FGD6: variants seen among roughly 807,000 people sequenced by gnomAD.
The protein encoded by FGD6 is FYVE, RhoGEF and PH domain-containing protein 6.
Under a neutral mutation model 149.4 loss-of-function variants are expected in FGD6, and 90 were observed. The observed-to-expected ratio is 0.60, with a 90% CI of 0.51 to 0.72. The LOEUF (loss-of-function observed/expected upper bound fraction) is 0.72. Ranked by LOEUF, FGD6 falls within the 30% of genes least tolerant of loss-of-function variation. The pLI is 0.00. For missense variants in FGD6, 1,437 were observed against 1,684.8 expected (o/e 0.85, Z 2.57); for synonymous variants, 527 against 584.0 (o/e 0.90, Z 1.41).
At chr12:95,123,740 T>C (rs1214974390) in intron 8 of FGD6, among the ~76,000 whole-genome samples, 2 of 151,846 alleles carry the variant, frequency 1.3e-5, no homozygotes, top group Admixed American at 6.6e-5. Context: ...TTTTTTGTAT[T>C]TTTAGTAGAG....
intron 6 of FGD6, among the ~76,000 whole-genome samples, chr12:95,139,427 G>GA (rs1406501046): frequency 2.1e-5 from 3 of 144,730 alleles, no homozygotes; most frequent in South Asian, 4.4e-4. Context: ...GGCAAGAGGT[G>GA]AAAATCTGTC....
At chr12:95,081,680 TA>T (rs71435740) in intron 20 of FGD6, 124 bp from the exon 21 acceptor site, 1 of 351,422 alleles carries the variant, frequency 2.8e-6, no homozygotes, top group Non-Finnish European at 4.8e-6. Context: ...TATATATATA[TA>T]TGTATTTTTT....
intron 8 of FGD6, chr12:95,125,669 C>T (rs1201555222): frequency 2.4e-6 from 1 of 418,234 alleles, no homozygotes; most frequent in Admixed American, 3.7e-5. Context: ...TTTGTGGATA[C>T]CTGGATACAA....
intron 19 of FGD6, 136 bp downstream of exon 19, chr12:95,085,644 C>T: frequency 1.1e-6 from 1 of 910,482 alleles, no homozygotes; most frequent in African/African-American, 1.7e-5. Context: ...TTAAAAATAA[C>T]AGCAACAACA....
At chr12:95,083,012 A>AATATATATATAT (rs1555215600) in intron 20 of FGD6, among the ~76,000 whole-genome samples, 15 of 20,038 alleles carry the variant, frequency 7.5e-4, no homozygotes, top group African/African-American at 3.5e-3. Flanking sequence ...AAAAAAAAAA[A>AATATATATATAT]ATATATATAT....
chr12:95,192,303 T>C (rs976212809), intron 2 of FGD6, among the ~76,000 whole-genome samples: 1 of 152,154 alleles, frequency 6.6e-6, no homozygotes, highest in East Asian at 1.9e-4. Flanking sequence ...AATGTTATGA[T>C]AGAATGATGA....
intron 3 of FGD6, among the ~76,000 whole-genome samples, chr12:95,156,573 G>T (rs1445337811): frequency 1.3e-5 from 2 of 152,134 alleles, no homozygotes; most frequent in African/African-American, 4.8e-5. Context: ...GCCCCGTCCT[G>T]TGGTCCTGTG....
intron 3 of FGD6, among the ~76,000 whole-genome samples, chr12:95,161,015 AC>A (rs1880624623): frequency 6.6e-6 from 1 of 151,826 alleles, no homozygotes; most frequent in Non-Finnish European, 1.5e-5. Context: ...CCCCGTCTCC[AC>A]CAAAAATACA....
At chr12:95,154,073 C>CCT (rs1880395332) in intron 3 of FGD6, among the ~76,000 whole-genome samples, 1 of 152,040 alleles carries the variant, frequency 6.6e-6, no homozygotes, top group Admixed American at 6.6e-5. Context: ...GATTCTCCTG[C>CCT]CTCAGCCTCC....
intron 8 of FGD6, among the ~76,000 whole-genome samples, chr12:95,124,189 G>A (rs1253665180): frequency 1.3e-5 from 2 of 152,090 alleles, no homozygotes; most frequent in Non-Finnish European, 2.9e-5. Context: ...TGGGATTACA[G>A]GCGTGAGCCA....
chr12:95,105,853 G>A (rs1370066433), intron 13 of FGD6, among the ~76,000 whole-genome samples: 4 of 151,936 alleles, frequency 2.6e-5, no homozygotes, highest in African/African-American at 7.3e-5. Flanking sequence ...GTGAAACCCC[G>A]TCTCTGTGAA....
At chr12:95,174,054 G>A (rs7488543) in intron 2 of FGD6, among the ~76,000 whole-genome samples, 13,705 of 152,118 alleles carry the variant, frequency 0.09, 806 homozygotes, top group African/African-American at 0.16. Flanking sequence ...TTACTCAATG[G>A]CTGGGGCCTC....
chr12:95,144,684 G>A (rs372991890), intron 5 of FGD6, among the ~76,000 whole-genome samples: 1 of 147,918 alleles, frequency 6.8e-6, no homozygotes, highest in Non-Finnish European at 1.5e-5. Context: ...GAGCCACGGC[G>A]CCCAGCTTAC....
At chr12:95,115,965 T>C (rs552965890) in intron 8 of FGD6, among the ~76,000 whole-genome samples, 7 of 152,378 alleles carry the variant, frequency 4.6e-5, no homozygotes, top group African/African-American at 1.7e-4. Flanking sequence ...CGCCATGGCA[T>C]AGGTTCTATC....
At chr12:95,112,228 T>C (rs1878849788) in intron 9 of FGD6, among the ~76,000 whole-genome samples, 1 of 122,002 alleles carries the variant, frequency 8.2e-6, no homozygotes. Flanking sequence ...AGTAAGACTC[T>C]GTCTCAAAAA....
chr12:95,124,997 T>C (rs942547263), intron 8 of FGD6, among the ~76,000 whole-genome samples: 33 of 152,168 alleles, frequency 2.2e-4, no homozygotes, highest in Non-Finnish European at 2.9e-5. Context: ...GATTAAAAAA[T>C]ATTTTATTAC....
chr12:95,116,957 T>C (rs779794315), intron 8 of FGD6: 27 of 455,614 alleles, frequency 5.9e-5, no homozygotes, highest in South Asian at 4.0e-4. Flanking sequence ...AGGAAACCAG[T>C]AGCTGCCCCA....
Position 95,090,458 on chromosome 12 carries a change from T to C in FGD6, c.3851-762A>G, listed in dbSNP as rs546582715. Among the ~76,000 whole-genome samples, 445 of 152,250 alleles carry C rather than the reference T, an allele frequency of 2.9e-3. 1 individual carries two copies. The highest frequency in any genetic ancestry group is 9.9e-3 in the African/African-American group (413 of 41,542). On this transcript the variant is annotated intron_variant, in intron 17 of 20. Transcript: ENST00000343958. The stretch of plus-strand genomic sequence containing the variant: ...ACTTGTTAGGAAATTATTATAGTTG[T>C]CTAGATGAGAGATAACGAAGGCCTT...
At chr12:95,168,429 C>A (rs555101747) in intron 3 of FGD6, among the ~76,000 whole-genome samples, 5 of 152,076 alleles carry the variant, frequency 3.3e-5, no homozygotes, top group Non-Finnish European at 7.3e-5. Flanking sequence ...TTTGGGAGGC[C>A]AATGTGGGCA....
Sources: gnomAD v4.1 joint callset for allele counts (sites outside exome capture counted in the v4.1 genomes callset) on GRCh38, gnomAD v4.1.1 for gene constraint, MANE v1.5 for transcripts, NCBI Gene and HGNC (gene_info 2026-07-23, HGNC 2026-07-21) for gene names.